VPS13A: variants seen among roughly 807,000 people sequenced by gnomAD.
The protein encoded by VPS13A is vacuolar protein sorting 13 homolog A.
VPS13A carries 264 observed loss-of-function variants against 390.9 expected under a neutral mutation model. That is an observed-to-expected ratio of 0.68 (90% CI 0.61 to 0.75). The LOEUF is 0.75. Ranked by LOEUF, VPS13A falls within the 30% of genes least tolerant of loss-of-function variation. The probability of loss-of-function intolerance (pLI) is 0.00; values close to 1 mark genes in which losing one functional copy is unlikely to be tolerated. For missense variants in VPS13A, 3,409 were observed against 3,733.9 expected, an observed-to-expected ratio of 0.91 and a Z score of 2.27; for synonymous variants, 1,231 against 1,227.1, an observed-to-expected ratio of 1.00 and a Z score of -0.07.
Position 77,370,468 on chromosome 9 carries a change from G to A in VPS13A, c.8797G>A (p.Ala2933Thr), listed in dbSNP as rs1310484952. 5.0e-6 allele frequency: 8 copies of A among 1,614,034 alleles called. No individual in the cohort carries two copies. The highest frequency in any genetic ancestry group is 6.8e-6 in the Non-Finnish European group (8 of 1,180,034). Residue 2933 changes from alanine to threonine, a missense_variant, in exon 65 of 72, where the codon GCA (alanine) becomes ACA (threonine). By Grantham distance (58) the Ala-to-Thr change is moderately conservative. This residue lies in a region of VPS13A where 318 missense variants were observed against 333.7 expected (regional missense o/e 0.95). Coordinates refer to ENST00000360280, the MANE Select transcript of VPS13A (RefSeq NM_033305.3). ...CACCGGTGCTATGGCTAAGGGGGTA[G>A]CAGCTATGACCATGGATGAAGACTA... Reference protein sequence around the residue: ...KITGAMAKGVAAMTMDEDYQQ... With the variant: ...KITGAMAKGVTAMTMDEDYQQ...
Position 77,220,273 on chromosome 9 carries a change from TTAGTATTTCAG to T in VPS13A, c.883-1_892del. 1.2e-6 allele frequency: 2 copies of T among 1,606,990 alleles called. No individual in the cohort carries two copies. Among genetic ancestry groups the T allele is most frequent in the Non-Finnish European group, 1.7e-6 (2 of 1,175,438 alleles). ...TTTAAGAGCTTTAATTTTCCATTCT[TTAGTATTTCAG>T]TATTATGGAGCTTCTTGAATCAGTT... On this transcript the variant is annotated splice_acceptor_variant and splice_polypyrimidine_tract_variant and coding_sequence_variant and intron_variant, in exon 12 of 72. Coordinates refer to ENST00000360280, the MANE Select transcript of VPS13A (RefSeq NM_033305.3). LOFTEE classifies it high-confidence loss of function.
intron 31 of VPS13A, among the ~76,000 whole-genome samples, chr9:77,290,088 C>A (rs1387607940): frequency 6.6e-6 from 1 of 152,080 alleles, no homozygotes; most frequent in Admixed American, 6.6e-5. Context: ...GGCACTTTCT[C>A]ATTTTTTATA....
chr9:77,197,247 G>T (rs1342963900), intron 1 of VPS13A, among the ~76,000 whole-genome samples: 1 of 152,152 alleles, frequency 6.6e-6, no homozygotes, highest in Non-Finnish European at 1.5e-5. Flanking sequence ...CTGTTGGTGG[G>T]TGGAGTGTTC....
chr9:77,359,239 AT>A, intron 57 of VPS13A, 93 bp from the exon 58 acceptor site: 1 of 1,000,554 alleles, frequency 1.0e-6, no homozygotes, highest in Non-Finnish European at 1.5e-6. Flanking sequence ...TATTTAGTAA[AT>A]GATTTAATTT....
At chr9:77,344,985 A>G (rs1399516506) in intron 51 of VPS13A, 24 bp from the exon 52 acceptor site, 1 of 1,607,104 alleles carries the variant, frequency 6.2e-7, no homozygotes, top group South Asian at 1.1e-5. Context: ...TTACATTAAA[A>G]TGTTTTCTTT....
chr9:77,363,114 T>C (rs1271965792), intron 59 of VPS13A, among the ~76,000 whole-genome samples: 1 of 152,144 alleles, frequency 6.6e-6, no homozygotes, highest in African/African-American at 2.4e-5. Flanking sequence ...TCTTCCCTAG[T>C]TGTTGTGTCT....
intron 68 of VPS13A, among the ~76,000 whole-genome samples, chr9:77,388,756 AG>A (rs1416250095): frequency 2.6e-5 from 4 of 152,132 alleles, no homozygotes; most frequent in Non-Finnish European, 5.9e-5. Flanking sequence ...AAGTATACCC[AG>A]TTTGTCGTAA....
chr9:77,317,254 T>C (rs1399540391), intron 39 of VPS13A, among the ~76,000 whole-genome samples: 2 of 152,012 alleles, frequency 1.3e-5, no homozygotes, highest in Admixed American at 1.3e-4. Flanking sequence ...AATTCTCTCT[T>C]AGTTTTTGAC....
intron 35 of VPS13A, among the ~76,000 whole-genome samples, chr9:77,309,372 G>A (rs953418372): frequency 2.0e-5 from 3 of 152,130 alleles, no homozygotes; most frequent in Admixed American, 6.5e-5. Flanking sequence ...TGTTACAGAA[G>A]AAATAATTGA....
chr9:77,411,660 C>CA (rs1169254413), intron 71 of VPS13A, among the ~76,000 whole-genome samples: 670 of 33,472 alleles, frequency 0.02, 15 homozygotes, highest in Non-Finnish European at 0.027. Context: ...AACTCCATCT[C>CA]AAAAAAAAAA....
In VPS13A at chr9:77,339,888, A is replaced by T; in HGVS notation, c.6751A>T (p.Asn2251Tyr). Residue 2251 changes from asparagine (N) to tyrosine (Y), a missense_variant, in exon 48 of 72, where the codon AAT becomes TAT. Physicochemically the swap from Asn to Tyr is moderately radical, Grantham distance 143. Coordinates refer to ENST00000360280, the MANE Select transcript of VPS13A (RefSeq NM_033305.3). ...KKPVLFSFQP[N>Y]HFFNNNKVQL... ...GCCAGTTCTCTTTTCTTTTCAGCCA[A>T]ATCACTTTTTTAATAACAATAAGGT... is the stretch of plus-strand genomic sequence containing the variant. The T allele has an allele frequency of 6.2e-7, 1 of 1,612,040 alleles. No individual in the cohort carries two copies. The highest frequency in any genetic ancestry group is 8.5e-7 in the Non-Finnish European group (1 of 1,179,888).
chr9:77,328,315 G>C lies in VPS13A; in HGVS notation c.5992-3695G>C, dbSNP rs188323698. 2.8e-3 allele frequency among the ~76,000 whole-genome samples: 426 copies of C among 152,268 alleles called. 1 individual carries two copies. The highest frequency in any genetic ancestry group is 0.01 in the African/African-American group (417 of 41,550). On this transcript the variant is annotated intron_variant, in intron 45 of 71. Coordinates refer to ENST00000360280, the MANE Select transcript of VPS13A (RefSeq NM_033305.3). ...TGCTGTAAACAGATGTGCTTTCAAAGTCAGTCTTTGTTTTTCCATTTATAG... is the reference window on the plus strand; with the variant it reads ...TGCTGTAAACAGATGTGCTTTCAAACTCAGTCTTTGTTTTTCCATTTATAG...
chr9:77,382,178 G>T, intron 68 of VPS13A, 91 bp downstream of exon 68: 5 of 1,318,302 alleles, frequency 3.8e-6, no homozygotes, highest in Admixed American at 2.7e-5. Flanking sequence ...AATTATTTGG[G>T]CTTTTATCTA....
intron 40 of VPS13A, 123 bp from the exon 41 acceptor site, chr9:77,318,112 T>C (rs1829515122): frequency 3.6e-6 from 2 of 548,000 alleles, no homozygotes; most frequent in Admixed American, 3.8e-5. Context: ...ATAAATTGTA[T>C]CTTCTATTTT....
At chr9:77,217,154 A>G (rs1822910978) in intron 10 of VPS13A, among the ~76,000 whole-genome samples, 1 of 152,200 alleles carries the variant, frequency 6.6e-6, no homozygotes, top group Admixed American at 6.5e-5. Flanking sequence ...GGTATGAAAT[A>G]GGAATGCTAG....
At chr9:77,395,646 T>C (rs1323196177) in intron 68 of VPS13A, 1 of 152,114 alleles carries the variant, frequency 6.6e-6, no homozygotes, top group East Asian at 1.9e-4. Flanking sequence ...ATAATAAAAT[T>C]AGATATGCCT....
At chr9:77,220,740 A>T (rs1823164747) in intron 12 of VPS13A, among the ~76,000 whole-genome samples, 1 of 152,056 alleles carries the variant, frequency 6.6e-6, no homozygotes, top group African/African-American at 2.4e-5. Flanking sequence ...CTGAACCAAT[A>T]TTATTAAACC....
chr9:77,304,460 A>T (rs565539760), intron 34 of VPS13A, among the ~76,000 whole-genome samples: 1 of 152,210 alleles, frequency 6.6e-6, no homozygotes, highest in African/African-American at 2.4e-5. Flanking sequence ...ACAATGAAGG[A>T]CACAAATAAT....
rs1226900210 is a variant in VPS13A, at chr9:77,332,003, T to C, written c.5992-7T>C. On this transcript the variant is annotated splice_region_variant and splice_polypyrimidine_tract_variant and intron_variant, in intron 45 of 71. Transcript: ENST00000360280. ...GATACTAAATATTATTTGTTTTTCTTTCCCAGATAAGAAATCATTTTTCAG... is the reference window on the plus strand; with the variant it reads ...GATACTAAATATTATTTGTTTTTCTCTCCCAGATAAGAAATCATTTTTCAG... The C allele has an allele frequency of 1.9e-6, 3 of 1,589,996 alleles. No individual in the cohort carries two copies. The highest frequency in any genetic ancestry group is 3.3e-5 in the Admixed American group (2 of 59,924).
Sources: allele counts gnomAD v4.1 joint callset (sites outside exome capture counted in the v4.1 genomes callset), GRCh38; gene constraint gnomAD v4.1.1; regional missense constraint gnomAD v4.1.1; transcripts MANE v1.5; gene names NCBI Gene and HGNC (gene_info 2026-07-23, HGNC 2026-07-21).